Variants in COL12A1 observed in about 807,000 individuals in gnomAD.
COL12A1 encodes the protein collagen alpha-1(XII) chain.
In COL12A1, 114 loss-of-function variants were observed where a neutral mutation model predicts 349.7. That is an observed-to-expected ratio of 0.33 (90% CI 0.28 to 0.38). COL12A1 has a LOEUF of 0.38. Among genes scored for constraint, COL12A1 ranks in the 10% least tolerant of loss-of-function variants. COL12A1 has a pLI of 1.00. For missense variants in COL12A1, 3,284 were observed against 3,756.9 expected, an observed-to-expected ratio of 0.87 and a Z score of 3.29; for synonymous variants, 1,369 against 1,329.0, an observed-to-expected ratio of 1.03 and a Z score of -0.66.
At chr6:75,117,835 C>A (rs1180416934) in intron 46 of COL12A1, among the ~76,000 whole-genome samples, 2 of 152,182 alleles carry the variant, frequency 1.3e-5, no homozygotes, top group Admixed American at 6.5e-5. Flanking sequence ...CTGCCTTCCA[C>A]AGATCCACAG....
intron 17 of COL12A1, among the ~76,000 whole-genome samples, chr6:75,152,972 TA>T (rs535735901): frequency 9.9e-5 from 15 of 152,136 alleles, no homozygotes; most frequent in African/African-American, 3.4e-4. Flanking sequence ...ATATGTAAAC[TA>T]AAAAAAGGTT....
chr6:75,143,446 C>T (rs977210073), intron 25 of COL12A1, 58 bp from the exon 26 acceptor site: 1 of 1,569,286 alleles, frequency 6.4e-7, no homozygotes, highest in South Asian at 1.2e-5. Context: ...AGCTCCAAAG[C>T]ATCCATGCAA....
intron 14 of COL12A1, among the ~76,000 whole-genome samples, chr6:75,165,044 G>A (rs1582161300): frequency 6.6e-6 from 1 of 152,130 alleles, no homozygotes; most frequent in East Asian, 1.9e-4. Context: ...TAAGTGGCTA[G>A]GCACTATGCT....
rs192783443 is a variant in COL12A1 at position 75,164,144 on chromosome 6, A to G, written c.2983+1363T>C. Among the ~76,000 whole-genome samples the G allele has an allele frequency of 4.6e-5, 7 of 152,282 alleles. 1 individual carries two copies. In the East Asian group the frequency reaches 1.3e-3, roughly 29 times the overall value. On this transcript the variant is annotated intron_variant, in intron 14 of 65. Transcript: ENST00000322507. ...ATTTTATTTACTACCATAGAAACCAATCATGTGAATATCTGAGAACTATGT... is the reference window on the plus strand; with the variant it reads ...ATTTTATTTACTACCATAGAAACCAGTCATGTGAATATCTGAGAACTATGT...
At chr6:75,128,803 A>G (rs990818971) in intron 37 of COL12A1, among the ~76,000 whole-genome samples, 1 of 152,206 alleles carries the variant, frequency 6.6e-6, no homozygotes, top group African/African-American at 2.4e-5. Context: ...TCATGTACAA[A>G]TATGTACCCA....
At chr6:75,151,366 T>C in intron 20 of COL12A1, 79 bp from the exon 21 acceptor site, 1 of 1,370,508 alleles carries the variant, frequency 7.3e-7, no homozygotes, top group Non-Finnish European at 1.0e-6. Context: ...TTTACGGCTT[T>C]CTTAATTCAT....
intron 31 of COL12A1, among the ~76,000 whole-genome samples, chr6:75,137,207 T>C (rs1017344488): frequency 1.3e-5 from 2 of 152,102 alleles, no homozygotes; most frequent in African/African-American, 4.8e-5. Flanking sequence ...GCCTCATGCT[T>C]TGGGGCTGTA....
chr6:75,144,575 G>A (rs1344326061), intron 25 of COL12A1, among the ~76,000 whole-genome samples: 1 of 152,086 alleles, frequency 6.6e-6, no homozygotes, highest in Non-Finnish European at 1.5e-5. Flanking sequence ...CAAAATACCA[G>A]CTGGGTAAGG....
rs189903784 is a variant in COL12A1 at position 75,197,042 on chromosome 6, G to A, written c.74-2095C>T. 2.2e-3 allele frequency among the ~76,000 whole-genome samples: 336 copies of A among 152,236 alleles called. 3 individuals carry two copies. Among genetic ancestry groups the A allele is most frequent in the Admixed American group, 0.013 (206 of 15,286 alleles). On this transcript the variant is annotated intron_variant, in intron 2 of 65. Coordinates refer to ENST00000322507, the MANE Select transcript of COL12A1 (RefSeq NM_004370.6). Reference sequence around the variant, plus strand: ...CCCGCATGGGTACAACAGAGAGCCCGCTTCACTTTTCTTCTGGCCGATTTT... The same window carrying A: ...CCCGCATGGGTACAACAGAGAGCCCACTTCACTTTTCTTCTGGCCGATTTT...
intron 10 of COL12A1, among the ~76,000 whole-genome samples, chr6:75,182,444 G>A (rs1769367369): frequency 6.6e-6 from 1 of 151,462 alleles, no homozygotes; most frequent in African/African-American, 2.4e-5. Context: ...TCCCACATAT[G>A]AGTGAGAACA....
rs763941389 is a variant in COL12A1, at chr6:75,133,842, T to C, written c.5664+16A>G. The stretch of plus-strand genomic sequence containing the variant: ...ATTTAAACAAACTAGCATTTTTTAC[T>C]ACAAGAAATAATTACCAGTTCCTCT... On this transcript the variant is annotated intron_variant, in intron 33 of 65. Transcript: ENST00000322507. 5.6e-6 allele frequency: 9 copies of C among 1,613,262 alleles called. No individual in the cohort carries two copies. The highest frequency in any genetic ancestry group is 7.6e-6 in the Non-Finnish European group (9 of 1,179,650).
intron 2 of COL12A1, among the ~76,000 whole-genome samples, chr6:75,195,214 T>C (rs565575445): frequency 3.9e-4 from 60 of 152,304 alleles, no homozygotes; most frequent in Middle Eastern, 3.4e-3. Flanking sequence ...AAATCAAGCA[T>C]AATAGAAACA....
At chr6:75,121,512 G>GA (rs747498268) in intron 43 of COL12A1, 71 bp from the exon 44 acceptor site, 16 of 1,452,420 alleles carry the variant, frequency 1.1e-5, no homozygotes, top group African/African-American at 1.4e-5. Context: ...TCACATAATT[G>GA]AAAATGCAAT....
chr6:75,165,099 A>G (rs895499283), intron 14 of COL12A1, among the ~76,000 whole-genome samples: 16 of 152,210 alleles, frequency 1.1e-4, no homozygotes, highest in Non-Finnish European at 2.1e-4. Flanking sequence ...CACAACTCTA[A>G]GAGACAAGAT....
intron 16 of COL12A1, among the ~76,000 whole-genome samples, chr6:75,155,304 G>T (rs1190039677): frequency 6.6e-6 from 1 of 152,074 alleles, no homozygotes; most frequent in Non-Finnish European, 1.5e-5. Flanking sequence ...AAAAGGTACA[G>T]GAACCCCCAT....
At chr6:75,177,443 T>A (rs970962034) in intron 12 of COL12A1, among the ~76,000 whole-genome samples, 1 of 151,882 alleles carries the variant, frequency 6.6e-6, no homozygotes, top group African/African-American at 2.4e-5. Context: ...AAAAATTAAT[T>A]AAATAATTAA....
rs189073217 is a variant in COL12A1, at chr6:75,202,399, C to G, written c.73+321G>C. On this transcript the variant is annotated intron_variant, in intron 2 of 65. Transcript: ENST00000322507. ...TCCTGTTGGTTGCGCTGATTAGAGCCGTCGCCCCCTCTCGGGCGGCTGGTC... is the reference window on the plus strand; with the variant it reads ...TCCTGTTGGTTGCGCTGATTAGAGCGGTCGCCCCCTCTCGGGCGGCTGGTC... Among the ~76,000 whole-genome samples, 271 of 152,290 alleles carry G rather than the reference C, an allele frequency of 1.8e-3. 1 individual carries two copies. The highest frequency in any genetic ancestry group is 6.3e-3 in the African/African-American group (261 of 41,562).
intron 2 of COL12A1, among the ~76,000 whole-genome samples, chr6:75,195,869 TAAAG>T (rs1160540475): frequency 4.6e-5 from 7 of 152,070 alleles, no homozygotes; most frequent in Non-Finnish European, 2.9e-5. Flanking sequence ...TTACAGAACT[TAAAG>T]AAAACAGTGA....
chr6:75,117,667 C>A, intron 46 of COL12A1, 121 bp from the exon 47 acceptor site: 1 of 995,928 alleles, frequency 1.0e-6, no homozygotes, highest in Non-Finnish European at 1.4e-6. Context: ...GCAGCAAGTC[C>A]TTTTACTTGA....
Sources: allele counts gnomAD v4.1 joint callset (sites outside exome capture counted in the v4.1 genomes callset), GRCh38; gene constraint gnomAD v4.1.1; transcripts MANE v1.5; gene names NCBI Gene and HGNC (gene_info 2026-07-23, HGNC 2026-07-21).